Variants in CELSR1 observed in about 807,000 individuals in gnomAD.
CELSR1 encodes adhesion G protein-coupled receptor C1.
A neutral mutation model predicts 249.1 loss-of-function variants in CELSR1; 110 were observed. The observed-to-expected ratio is 0.44, with a 90% CI of 0.38 to 0.52. CELSR1 has a LOEUF of 0.52. CELSR1 is among the 20% of genes least tolerant of loss of function. CELSR1 has a pLI of 0.00. For synonymous variants in CELSR1, 2,113 were observed against 1,900.0 expected, an observed-to-expected ratio of 1.11 and a Z score of -2.92; for missense variants, 4,109 against 4,296.4, an observed-to-expected ratio of 0.96 and a Z score of 1.22.
At position 46,468,358 on chromosome 22, in the gene CELSR1, C is replaced by G. The variant is rs1018607611; in HGVS notation, c.3545-4013G>C. Among the ~76,000 whole-genome samples the G allele has an allele frequency of 6.8e-6, 1 of 147,210 alleles. No individual in the cohort carries two copies. The highest frequency in any genetic ancestry group is 2.2e-4 in the South Asian group (1 of 4,598). On this transcript the variant is annotated intron_variant, in intron 1 of 34. Coordinates refer to ENST00000674500, the MANE Select transcript of CELSR1 (RefSeq NM_001378328.1). This position sits in a 1 kb window ranked among gnomAD's most constrained non-coding sequence, Gnocchi z 4.5. ...CCAAGATCATACCACTGCACTCCAG[C>G]CTGGGCAACAAAGCAAGACTCTGTC...
At position 46,363,324 on chromosome 22, in the gene CELSR1, A is replaced by C; in HGVS notation, c.9036-77T>G. The C allele has an allele frequency of 7.6e-5, 85 of 1,121,916 alleles. No individual in the cohort carries two copies. Among genetic ancestry groups the C allele is most frequent in the East Asian group, 2.3e-4 (7 of 30,176 alleles). 69.5% of individuals were successfully genotyped at this position (1,121,916 alleles called of 1,614,324 possible). Reference sequence around the variant, plus strand: ...GCTTGGTGGGGCCCAAGGTTGTCACACGGGGGGGCAGGATCACCCCATCAG... The same window carrying C: ...GCTTGGTGGGGCCCAAGGTTGTCACCCGGGGGGGCAGGATCACCCCATCAG... On this transcript the variant is annotated intron_variant, in intron 34 of 34. Transcript: ENST00000674500. The surrounding 1 kb of genome is among the most constrained non-coding windows in gnomAD (Gnocchi z 4.3).
chr22:46,444,876 TCA>T (rs2079799859), intron 2 of CELSR1, among the ~76,000 whole-genome samples: 1 of 152,182 alleles, frequency 6.6e-6, no homozygotes, highest in Non-Finnish European at 1.5e-5. Flanking sequence ...TGCTCTGTCC[TCA>T]CAAGGCCGTC....
At position 46,423,592 on chromosome 22, in the gene CELSR1, C is replaced by T. The variant is rs1407518633; in HGVS notation, c.4611+9801G>A. On this transcript the variant is annotated intron_variant, in intron 5 of 34. Coordinates refer to ENST00000674500, the MANE Select transcript of CELSR1 (RefSeq NM_001378328.1). The surrounding 1 kb of genome is among the most constrained non-coding windows in gnomAD (Gnocchi z 5.6). ...TACACTCCAGCCTGGGCAACAGGAG[C>T]GAAACTTCGTCTCAGAAAAAAAAAA... Among the ~76,000 whole-genome samples the T allele has an allele frequency of 7.5e-6, 1 of 133,138 alleles. No individual in the cohort carries two copies. The highest frequency in any genetic ancestry group is 1.5e-5 in the Non-Finnish European group (1 of 65,130). The allele number at this position is 133,138 out of a possible 152,430, so 87.3% of individuals were successfully genotyped here.
Position 46,381,934 on chromosome 22 carries a change from C to G in CELSR1, c.7000G>C (p.Gly2334Arg). Residue 2334 changes from glycine to arginine, a missense_variant, in exon 21 of 35, where the codon GGC (glycine) becomes CGC (arginine). Gly to Arg is a moderately radical substitution (Grantham distance 125). This residue lies in a region of CELSR1 where 1,805 missense variants were observed against 1,831.6 expected (regional missense o/e 0.99). Coordinates refer to ENST00000674500, the MANE Select transcript of CELSR1 (RefSeq NM_001378328.1). The surrounding 1 kb of genome is among the most constrained non-coding windows in gnomAD (Gnocchi z 6.0). ...ATGACCAGAGCGACGGCGAACTGGC[C>G]AGCGTCATCAGGGTGTCGCCTCCGC... The part of the protein sequence containing the change: ...SRRRRHPDDA[G>R]QFAVALVIIY... 6.4e-7 allele frequency: 1 copy of G among 1,568,710 alleles called. No individual in the cohort carries two copies. The highest frequency in any genetic ancestry group is 1.8e-5 in the Admixed American group (1 of 54,132).
At chr22:46,438,916 T>C (rs2079700723) in intron 3 of CELSR1, among the ~76,000 whole-genome samples, 1 of 152,130 alleles carries the variant, frequency 6.6e-6, no homozygotes, top group South Asian at 2.1e-4. Flanking sequence ...AACCACTGTA[T>C]CCAGCTCATT....
rs762306259 is a variant in CELSR1, at chr22:46,377,129, G to T, written c.7516C>A (p.His2506Asn). The T allele has an allele frequency of 6.2e-7, 1 of 1,613,510 alleles. No homozygotes were observed. Among genetic ancestry groups the T allele is most frequent in the Non-Finnish European group, 8.5e-7 (1 of 1,179,860 alleles). ...GAGAGGAAGAGCGCCACGGCGAGGTGCTTGTGAATGCTGTGCAGGTTGGAG... is the reference window on the plus strand; with the variant it reads ...GAGAGGAAGAGCGCCACGGCGAGGTTCTTGTGAATGCTGTGCAGGTTGGAG... Reference protein sequence around the residue: ...LRSNLHSIHKHLAVALFLSQL... With the variant: ...LRSNLHSIHKNLAVALFLSQL... Residue 2506 changes from histidine (H) to asparagine (N), a missense_variant, in exon 24 of 35, where the codon CAC becomes AAC. Physicochemically the swap from His to Asn is moderately conservative, Grantham distance 68. This residue lies in a region of CELSR1 where 1,805 missense variants were observed against 1,831.6 expected (regional missense o/e 0.99). Transcript: ENST00000674500.
intron 9 of CELSR1, among the ~76,000 whole-genome samples, chr22:46,405,834 G>A (rs975253878): frequency 6.6e-6 from 1 of 152,106 alleles, no homozygotes; most frequent in African/African-American, 2.4e-5. Context: ...ACAGGCCCAC[G>A]GGAGGCCTGC....
chr22:46,519,075 C>G (rs955500562), intron 1 of CELSR1, among the ~76,000 whole-genome samples: 2 of 151,852 alleles, frequency 1.3e-5, no homozygotes, highest in African/African-American at 4.8e-5. Context: ...AATACTGCCA[C>G]GTGCTGCGCT....
Position 46,503,564 on chromosome 22 carries a change from G to A in CELSR1, c.3544+30063C>T, listed in dbSNP as rs8142719. Among the ~76,000 whole-genome samples the A allele has an allele frequency of 2.6e-3, 401 of 152,320 alleles. 4 individuals are homozygous for A. Among genetic ancestry groups the A allele is most frequent in the Non-Finnish European group, 3.1e-3 (211 of 68,026 alleles). ...AGAGGAAGCCAAGAGGCCCGAGGCC[G>A]GACCAGGCACTTCTTGATCCGCCCG... is the stretch of plus-strand genomic sequence containing the variant. On this transcript the variant is annotated intron_variant, in intron 1 of 34. Transcript: ENST00000674500.
At position 46,484,101 on chromosome 22, in the gene CELSR1, T is replaced by A. The variant is rs574522797; in HGVS notation, c.3545-19756A>T. ...CTGCCCTGGCTCTCAGACTCACCTG[T>A]AGGGAGGAGCGCCCCAGGCCTTCCG... is the stretch of plus-strand genomic sequence containing the variant. On this transcript the variant is annotated intron_variant, in intron 1 of 34. Coordinates refer to ENST00000674500, the MANE Select transcript of CELSR1 (RefSeq NM_001378328.1). The surrounding 1 kb of genome is among the most constrained non-coding windows in gnomAD (Gnocchi z 4.5). 1.3e-5 allele frequency among the ~76,000 whole-genome samples: 2 copies of A among 152,264 alleles called. No homozygotes were observed. Among genetic ancestry groups the A allele is most frequent in the South Asian group, 4.1e-4 (2 of 4,820 alleles).
rs2079561564 is a variant in CELSR1, at chr22:46,428,621, T to A, written c.4611+4772A>T. On this transcript the variant is annotated intron_variant, in intron 5 of 34. Transcript: ENST00000674500. This position sits in a 1 kb window ranked among gnomAD's most constrained non-coding sequence, Gnocchi z 5.7. ...ACAGCTGGAGTCTAGTGACCAGAGG[T>A]CAGGAATGCTGCCCAGAACAGGCCT... 6.6e-6 allele frequency among the ~76,000 whole-genome samples: 1 copy of A among 152,042 alleles called. No homozygotes were observed. The highest frequency in any genetic ancestry group is 2.4e-5 in the African/African-American group (1 of 41,382).
chr22:46,508,353 TG>T (rs1314618544), intron 1 of CELSR1, among the ~76,000 whole-genome samples: 1 of 148,158 alleles, frequency 6.7e-6, no homozygotes, highest in Non-Finnish European at 1.5e-5. Flanking sequence ...GAGGGTGGGA[TG>T]GGAGGGGCAC....
intron 2 of CELSR1, among the ~76,000 whole-genome samples, chr22:46,463,287 G>A (rs1238792422): frequency 1.3e-5 from 2 of 152,116 alleles, no homozygotes; most frequent in Non-Finnish European, 2.9e-5. Context: ...AGGCTGAGGC[G>A]GGTGGATCAC....
Position 46,446,441 on chromosome 22 carries a change from G to A in CELSR1, c.4184-7030C>T, listed in dbSNP as rs921049216. On this transcript the variant is annotated intron_variant, in intron 2 of 34. Coordinates refer to ENST00000674500, the MANE Select transcript of CELSR1 (RefSeq NM_001378328.1). This position sits in a 1 kb window ranked among gnomAD's most constrained non-coding sequence, Gnocchi z 5.5. ...CCCCACCAGCTCCACATCCAGCCCT[G>A]CTTGTGCGATGGTTCCCCCGTGTGT... is the stretch of plus-strand genomic sequence containing the variant. Among the ~76,000 whole-genome samples, 1 of 152,180 alleles carries A rather than the reference G, an allele frequency of 6.6e-6. No homozygotes were observed. Among genetic ancestry groups the A allele is most frequent in the Non-Finnish European group, 1.5e-5 (1 of 68,038 alleles).
At chr22:46,481,381 AGGTGCATGTGGTCATCCACACACTT>A in intron 1 of CELSR1, 1 of 969,054 alleles carries the variant, frequency 1.0e-6, no homozygotes, top group East Asian at 2.4e-5. Flanking sequence ...AGTTGGGAGC[AGGTGCATGTGGTCATCCACACACTT>A]GGTCACACCA....
At chr22:46,470,921 T>C (rs533236115) in intron 1 of CELSR1, among the ~76,000 whole-genome samples, 1 of 152,244 alleles carries the variant, frequency 6.6e-6, no homozygotes, top group African/African-American at 2.4e-5. Flanking sequence ...GGTCAGGAGT[T>C]CGAGACTAGC....
chr22:46,456,810 A>G (rs1025158052), intron 2 of CELSR1, among the ~76,000 whole-genome samples: 7 of 149,864 alleles, frequency 4.7e-5, no homozygotes, highest in Non-Finnish European at 8.8e-5. Context: ...TTTTTACACC[A>G]GAAGTTTCTC....
intron 4 of CELSR1, among the ~76,000 whole-genome samples, chr22:46,435,297 T>G (rs1349122204): frequency 7.0e-6 from 1 of 143,570 alleles, no homozygotes; most frequent in Non-Finnish European, 1.5e-5. Flanking sequence ...TTTTTTTTTT[T>G]TTGAGATGGA....
Position 46,391,333 on chromosome 22 carries a change from C to G in CELSR1, c.6149-46G>C. ...GTCTGCTCAGCGGGGCACGCCACACCCACGACCACAAACAGGCACCACTGT... is the reference window on the plus strand; with the variant it reads ...GTCTGCTCAGCGGGGCACGCCACACGCACGACCACAAACAGGCACCACTGT... On this transcript the variant is annotated intron_variant, in intron 15 of 34. Transcript: ENST00000674500. The surrounding 1 kb of genome is among the most constrained non-coding windows in gnomAD (Gnocchi z 4.3). 1 of 1,547,044 alleles carries G rather than the reference C, an allele frequency of 6.5e-7. No individual in the cohort carries two copies. The highest frequency in any genetic ancestry group is 8.9e-7 in the Non-Finnish European group (1 of 1,123,872).
Sources: gnomAD v4.1 joint callset for allele counts (sites outside exome capture counted in the v4.1 genomes callset) on GRCh38, gnomAD v4.1.1 for gene constraint, gnomAD v4.1.1 regional missense constraint, Gnocchi (gnomAD v3.1) non-coding constraint, MANE v1.5 for transcripts, NCBI Gene and HGNC (gene_info 2026-07-23, HGNC 2026-07-21) for gene names.